ADAMTS16: variants seen among roughly 807,000 people sequenced by gnomAD.
ADAMTS16 encodes ADAM metallopeptidase with thrombospondin type 1 motif 16, also known as A disintegrin and metalloproteinase with thrombospondin motifs 16.
A neutral mutation model predicts 145.8 loss-of-function variants in ADAMTS16; 94 were observed. The observed-to-expected ratio is 0.64, with a 90% CI of 0.55 to 0.77. The LOEUF is 0.77. ADAMTS16 is among the 30% of genes least tolerant of loss of function. ADAMTS16 has a pLI of 0.00. For synonymous variants in ADAMTS16, 659 were observed against 604.3 expected (o/e 1.09, Z -1.33); for missense variants, 1,585 against 1,591.5 (o/e 1.00, Z 0.07).
chr5:5,238,832 A>T (rs1560962981), intron 14 of ADAMTS16, among the ~76,000 whole-genome samples: 2 of 152,210 alleles, frequency 1.3e-5, no homozygotes, highest in Admixed American at 6.5e-5. Context: ...TTGTCATTGT[A>T]CTAAGCCCTT....
chr5:5,248,617 C>T (rs921809932), intron 17 of ADAMTS16, among the ~76,000 whole-genome samples: 10 of 152,172 alleles, frequency 6.6e-5, no homozygotes, highest in African/African-American at 1.4e-4. Context: ...GCTTCATGGA[C>T]GTGCCATTAG....
intron 2 of ADAMTS16, among the ~76,000 whole-genome samples, chr5:5,144,305 C>T (rs1560921413): frequency 6.6e-6 from 1 of 152,150 alleles, no homozygotes; most frequent in Admixed American, 6.5e-5. Flanking sequence ...ACAGGCTACA[C>T]TTTTTTTCCT....
chr5:5,207,438 G>A (rs1357790480), intron 9 of ADAMTS16, among the ~76,000 whole-genome samples: 1 of 151,898 alleles, frequency 6.6e-6, no homozygotes, highest in Non-Finnish European at 1.5e-5. Context: ...GTTGCTTGGT[G>A]GATTCTTTCA....
chr5:5,262,650 C>T lies in ADAMTS16; in HGVS notation c.2663-7C>T, dbSNP rs757635369. The T allele has an allele frequency of 6.2e-7, 1 of 1,610,810 alleles. No homozygotes were observed. Among genetic ancestry groups the T allele is most frequent in the South Asian group, 1.1e-5 (1 of 90,304 alleles). ...GTCTTTATTCTACATTTCATCCTTG[C>T]CTGCAGGACAGATGACCGTGAGAGA... is the stretch of plus-strand genomic sequence containing the variant. On this transcript the variant is annotated splice_region_variant and splice_polypyrimidine_tract_variant and intron_variant, in intron 17 of 22. Transcript: ENST00000274181.
chr5:5,199,265 T>C (rs1195251988), intron 8 of ADAMTS16, among the ~76,000 whole-genome samples: 2 of 152,166 alleles, frequency 1.3e-5, no homozygotes, highest in African/African-American at 4.8e-5. Flanking sequence ...TCTCAGGTGT[T>C]ATTAAGGGAG....
At chr5:5,220,644 C>T (rs183769791) in intron 10 of ADAMTS16, among the ~76,000 whole-genome samples, 53 of 152,262 alleles carry the variant, frequency 3.5e-4, no homozygotes, top group African/African-American at 7.9e-4. Flanking sequence ...GTGCAGTGCC[C>T]TAGTGCCTTT....
chr5:5,239,129 T>C (rs752449017), intron 14 of ADAMTS16, 22 bp from the exon 15 acceptor site: 11 of 1,494,014 alleles, frequency 7.4e-6, no homozygotes, highest in Non-Finnish European at 8.9e-6. Context: ...ATGAATGACA[T>C]GTGACCTCAT....
rs572312033 is a variant in ADAMTS16, at chr5:5,237,883, A to T, written c.2154+784A>T. Among the ~76,000 whole-genome samples, 13 of 152,300 alleles carry T rather than the reference A, an allele frequency of 8.5e-5. No individual in the cohort carries two copies. The South Asian group carries it at 2.5e-3, about 29-fold the overall frequency. On this transcript the variant is annotated intron_variant, in intron 14 of 22. Transcript: ENST00000274181. ...TTGGCAGAGGGAAGGGGTGGAAAAA[A>T]ATGTTATCATAAACCAAGTGAAGGT... is the stretch of plus-strand genomic sequence containing the variant.
intron 5 of ADAMTS16, among the ~76,000 whole-genome samples, 156 bp from the exon 6 acceptor site, chr5:5,187,569 A>G (rs1359384616): frequency 6.6e-6 from 1 of 152,212 alleles, no homozygotes; most frequent in Non-Finnish European, 1.5e-5. Context: ...TCGGCTTTTT[A>G]CCGTGATATG....
chr5:5,274,633 C>T (rs1362232014), intron 18 of ADAMTS16, among the ~76,000 whole-genome samples: 1 of 151,718 alleles, frequency 6.6e-6, no homozygotes, highest in Non-Finnish European at 1.5e-5. Context: ...ACTTTTAGTA[C>T]ATTTTTAGTA....
At chr5:5,248,587 G>C (rs1737528955) in intron 17 of ADAMTS16, among the ~76,000 whole-genome samples, 1 of 152,210 alleles carries the variant, frequency 6.6e-6, no homozygotes, top group Admixed American at 6.5e-5. Context: ...TTAAGTGATT[G>C]TAAGTACTGC....
chr5:5,280,182 C>T (rs942016266), intron 18 of ADAMTS16, among the ~76,000 whole-genome samples: 3 of 152,148 alleles, frequency 2.0e-5, no homozygotes, highest in South Asian at 2.1e-4. Context: ...AATCCAGGCA[C>T]GTTAAGACTG....
intron 12 of ADAMTS16, among the ~76,000 whole-genome samples, chr5:5,233,739 A>G (rs900822958): frequency 4.6e-5 from 7 of 152,236 alleles, no homozygotes; most frequent in Admixed American, 2.6e-4. Context: ...ATCTGGTCTA[A>G]CATTGATGGG....
chr5:5,270,094 C>A (rs56309708), intron 18 of ADAMTS16, among the ~76,000 whole-genome samples: 1 of 152,186 alleles, frequency 6.6e-6, no homozygotes. Flanking sequence ...ATACAGAAGC[C>A]TCTCTGTGAA....
At chr5:5,245,518 C>T (rs1028668808) in intron 17 of ADAMTS16, among the ~76,000 whole-genome samples, 8 of 152,138 alleles carry the variant, frequency 5.3e-5, no homozygotes, top group Non-Finnish European at 2.9e-5. Flanking sequence ...TTTAAGACTT[C>T]TACTTGCATA....
At chr5:5,194,708 A>G (rs1170049151) in intron 8 of ADAMTS16, among the ~76,000 whole-genome samples, 2 of 152,202 alleles carry the variant, frequency 1.3e-5, no homozygotes, top group South Asian at 2.1e-4. Context: ...AGTGAGTTTT[A>G]TTTTTGGAAG....
At chr5:5,250,366 A>G (rs1737583896) in intron 17 of ADAMTS16, among the ~76,000 whole-genome samples, 1 of 152,206 alleles carries the variant, frequency 6.6e-6, no homozygotes, top group Non-Finnish European at 1.5e-5. Flanking sequence ...AAGATATGGA[A>G]GAAGAAATCT....
At chr5:5,182,345 G>C (rs1560937673) in intron 4 of ADAMTS16, 40 bp downstream of exon 4, 1 of 1,580,518 alleles carries the variant, frequency 6.3e-7, no homozygotes, top group Non-Finnish European at 8.6e-7. Flanking sequence ...TAGTGATGCT[G>C]ACATTTATGT....
intron 5 of ADAMTS16, among the ~76,000 whole-genome samples, chr5:5,187,457 A>G (rs1735534438): frequency 6.6e-6 from 1 of 152,084 alleles, no homozygotes; most frequent in African/African-American, 2.4e-5. Context: ...TAGCTTAAAA[A>G]TCCTCTTTAT....
Sources: gnomAD v4.1 joint callset for allele counts (sites outside exome capture counted in the v4.1 genomes callset) on GRCh38, gnomAD v4.1.1 for gene constraint, MANE v1.5 for transcripts, NCBI Gene and HGNC (gene_info 2026-07-23, HGNC 2026-07-21) for gene names.